CCDC148: variants seen among roughly 807,000 people sequenced by gnomAD.
The protein encoded by CCDC148 is coiled-coil domain containing 148.
CCDC148 carries 89 observed loss-of-function variants against 85.7 expected under a neutral mutation model. The ratio of observed to expected loss-of-function variants is 1.04; its 90% CI spans 0.87 to 1.24. CCDC148 has a LOEUF of 1.24. Among genes scored for constraint, CCDC148 ranks in the 50% most tolerant of loss-of-function variants. The pLI is 0.00. For missense variants in CCDC148, 692 were observed against 671.7 expected (o/e 1.03, Z -0.33); for synonymous variants, 230 against 213.9 (o/e 1.08, Z -0.66).
intron 9 of CCDC148, among the ~76,000 whole-genome samples, chr2:158,278,003 C>T (rs1267729842): frequency 6.6e-6 from 1 of 152,188 alleles, no homozygotes; most frequent in Non-Finnish European, 1.5e-5. Flanking sequence ...GTGGTTCTAG[C>T]CACTACACTG....
At chr2:158,329,013 T>G (rs1449537184) in intron 7 of CCDC148, among the ~76,000 whole-genome samples, 3 of 152,268 alleles carry the variant, frequency 2.0e-5, no homozygotes, top group East Asian at 1.9e-4. Context: ...AAGCTCTTTA[T>G]TTTAACTAGA....
At chr2:158,305,067 G>A (rs549200916) in intron 9 of CCDC148, among the ~76,000 whole-genome samples, 3 of 152,212 alleles carry the variant, frequency 2.0e-5, no homozygotes, top group Non-Finnish European at 2.9e-5. Flanking sequence ...GTCAGGGTAG[G>A]AGAGCAGAGA....
At chr2:158,240,963 A>G (rs552476770) in intron 10 of CCDC148, among the ~76,000 whole-genome samples, 187 of 152,338 alleles carry the variant, frequency 1.2e-3, no homozygotes, top group Admixed American at 1.9e-3. Flanking sequence ...TATTCACACT[A>G]GGAAGCAGTC....
intron 1 of CCDC148, among the ~76,000 whole-genome samples, chr2:158,453,122 C>T (rs1404680776): frequency 6.6e-6 from 1 of 152,168 alleles, no homozygotes; most frequent in African/African-American, 2.4e-5. Flanking sequence ...ATTGGCTTTT[C>T]TTAGTGTGGG....
chr2:158,311,492 C>G (rs980473484), intron 8 of CCDC148, among the ~76,000 whole-genome samples: 2 of 151,720 alleles, frequency 1.3e-5, no homozygotes, highest in Non-Finnish European at 2.9e-5. Context: ...AGGGGGAGAC[C>G]GTGGAAAGCG....
intron 9 of CCDC148, among the ~76,000 whole-genome samples, chr2:158,268,877 G>C (rs982103083): frequency 6.6e-6 from 1 of 152,058 alleles, no homozygotes; most frequent in African/African-American, 2.4e-5. Context: ...AGGTTCATCC[G>C]TGTTGCTGCA....
chr2:158,329,133 T>C (rs1486375072), intron 7 of CCDC148, among the ~76,000 whole-genome samples: 3 of 152,180 alleles, frequency 2.0e-5, no homozygotes, highest in Non-Finnish European at 1.5e-5. Flanking sequence ...TCTTCTAGGG[T>C]TTTTATGGTT....
intron 11 of CCDC148, among the ~76,000 whole-genome samples, chr2:158,203,090 TA>T (rs1297177740): frequency 6.6e-6 from 1 of 152,174 alleles, no homozygotes; most frequent in Non-Finnish European, 1.5e-5. Context: ...ATTGGAGTCA[TA>T]ATGAAAGTAA....
chr2:158,205,874 A>G (rs10933462), intron 11 of CCDC148, among the ~76,000 whole-genome samples: 152,178 of 152,266 alleles, frequency 1, 76,045 homozygotes, highest in Middle Eastern at 1. Flanking sequence ...TATTCTGGGT[A>G]ACTAGAATGT....
chr2:158,375,263 A>T (rs902670658), intron 1 of CCDC148, among the ~76,000 whole-genome samples: 1 of 152,096 alleles, frequency 6.6e-6, no homozygotes. Context: ...GGCCAGCCTG[A>T]AATACCCAGT....
At chr2:158,190,680 A>T (rs557146114) in intron 11 of CCDC148, among the ~76,000 whole-genome samples, 30 of 152,184 alleles carry the variant, frequency 2.0e-4, no homozygotes, top group Middle Eastern at 3.4e-3. Context: ...GAGGCCATAT[A>T]ATCATTTTAA....
At chr2:158,187,618 T>G (rs1361897179) in intron 11 of CCDC148, among the ~76,000 whole-genome samples, 1 of 152,038 alleles carries the variant, frequency 6.6e-6, no homozygotes. Flanking sequence ...GCTCCTTCAA[T>G]GTGACCTGTC....
At chr2:158,413,148 T>TA (rs1308616991) in intron 1 of CCDC148, among the ~76,000 whole-genome samples, 40 of 152,276 alleles carry the variant, frequency 2.6e-4, no homozygotes, top group African/African-American at 9.6e-4. Flanking sequence ...GATGACTTTT[T>TA]ATCCCTAAAG....
intron 1 of CCDC148, among the ~76,000 whole-genome samples, chr2:158,376,817 A>G (rs1308991199): frequency 6.6e-6 from 1 of 152,152 alleles, no homozygotes; most frequent in African/African-American, 2.4e-5. Context: ...AGGCAAATTT[A>G]TAGTTGGCAT....
intron 7 of CCDC148, among the ~76,000 whole-genome samples, chr2:158,320,632 C>A (rs1257485283): frequency 6.6e-6 from 1 of 152,114 alleles, no homozygotes; most frequent in African/African-American, 2.4e-5. Flanking sequence ...ACAATATATT[C>A]TTTCTGTATT....
At chr2:158,174,511 A>C (rs558647330) in intron 13 of CCDC148, among the ~76,000 whole-genome samples, 212 of 151,994 alleles carry the variant, frequency 1.4e-3, no homozygotes, top group Non-Finnish European at 2.3e-3. Context: ...GTCTGATTAC[A>C]GTTGTGTGTC....
chr2:158,319,702 G>C (rs991001447), intron 7 of CCDC148, among the ~76,000 whole-genome samples: 5 of 152,190 alleles, frequency 3.3e-5, no homozygotes, highest in African/African-American at 1.2e-4. Context: ...CTGAAAAAGA[G>C]AAACATGACT....
intron 1 of CCDC148, among the ~76,000 whole-genome samples, chr2:158,426,908 A>T (rs1036846965): frequency 6.6e-6 from 1 of 152,148 alleles, no homozygotes; most frequent in Non-Finnish European, 1.5e-5. Flanking sequence ...TTCTTTTAAC[A>T]TGCAACTTTA....
intron 1 of CCDC148, chr2:158,425,022 G>C (rs1297078386): frequency 7.1e-6 from 3 of 419,918 alleles, no homozygotes; most frequent in Non-Finnish European, 1.4e-5. Flanking sequence ...AAGAACAGGT[G>C]CTGCAACCAG....
Sources: allele counts gnomAD v4.1 joint callset (sites outside exome capture counted in the v4.1 genomes callset), GRCh38; gene constraint gnomAD v4.1.1; transcripts MANE v1.5; gene names NCBI Gene and HGNC (gene_info 2026-07-23, HGNC 2026-07-21).